Variants in MIP observed in about 807,000 individuals in gnomAD.
MIP encodes lens fiber major intrinsic protein.
A neutral mutation model predicts 21.8 loss-of-function variants in MIP; 14 were observed. The observed-to-expected ratio is 0.64, with a 90% confidence interval of 0.42 to 1.00. The LOEUF (loss-of-function observed/expected upper bound fraction) is 1.00, where lower values mean the gene tolerates loss of function less well. Among genes scored for constraint, MIP ranks in the 50% least tolerant of loss-of-function variants. The pLI, the probability that MIP is intolerant of heterozygous loss-of-function variation, is 0.00. For synonymous variants in MIP, 133 were observed against 141.4 expected (o/e 0.94, Z 0.42); for missense variants, 260 against 333.5 (o/e 0.78, Z 1.72).
At chr12:56,456,407 C>T (rs556954911), upstream of MIP, among the ~76,000 whole-genome samples, 37 of 152,224 alleles carry the variant, frequency 2.4e-4, no homozygotes, top group East Asian at 1.4e-3. Flanking sequence ...GAGGCCAACG[C>T]GGGTGGATCA....
rs759349752 is a variant in MIP at position 56,454,311 on chromosome 12, G to A, written c.303C>T (p.Ala101=). The A allele has an allele frequency of 5.5e-5, 89 of 1,613,822 alleles. No homozygotes were observed. The highest frequency in any genetic ancestry group is 7.0e-5 in the Non-Finnish European group (83 of 1,180,024). Residue 101 remains alanine, a synonymous_variant, in exon 1 of 4, where the codon GCC becomes GCT. Transcript: ENST00000652304. ...GTGGGGTAACGCTATACAGCACAGCGGCCCCAGCCACAGCTCCCAGGAGCT... is the reference window on the plus strand; with the variant it reads ...GTGGGGTAACGCTATACAGCACAGCAGCCCCAGCCACAGCTCCCAGGAGCT... ...AAQLLGAVAG[A]AVLYSVTPPA... is the part of the protein sequence containing the mutation.
chr12:56,449,512 G>A lies in MIP; in HGVS notation c.*1768C>T, dbSNP rs1868510662. 1 of 152,342 alleles carries A rather than the reference G, an allele frequency of 6.6e-6. No homozygotes were observed. Among genetic ancestry groups the A allele is most frequent in the Admixed American group, 6.5e-5 (1 of 15,288 alleles). The allele number at this position is 152,342 out of a possible 1,614,324, so 9.4% of individuals were successfully genotyped here. On this transcript the variant is annotated 3_prime_UTR_variant, in exon 4 of 4. Coordinates refer to ENST00000652304, the MANE Select transcript of MIP (RefSeq NM_012064.4). ...GGAAGGAAAAGGGAAGCGAGTGCAG[G>A]GACTGTTTTATGTGAGGTCGATCTA...
Position 56,454,495 on chromosome 12 carries a change from T to C in MIP, c.119A>G (p.His40Arg), listed in dbSNP as rs1436119727. The C allele has an allele frequency of 6.2e-6, 10 of 1,612,818 alleles. No homozygotes were observed. Among genetic ancestry groups the C allele is most frequent in the Non-Finnish European group, 1.7e-6 (2 of 1,179,206 alleles). Reference protein sequence around the residue: ...SSLRWAPGPLHVLQVAMAFGL... With the variant: ...SSLRWAPGPLRVLQVAMAFGL... The stretch of plus-strand genomic sequence containing the variant: ...AAATGCCATAGCCACCTGCAGAACA[T>C]GCAGGGGTCCAGGAGCCCAGCGCAG... The change falls in exon 1 of 4, where the codon CAT becomes CGT. Residue 40 changes from histidine to arginine, a missense_variant. His to Arg is a conservative substitution (Grantham distance 29, BLOSUM62 0). Coordinates refer to ENST00000652304, the MANE Select transcript of MIP (RefSeq NM_012064.4).
rs529416653 is a variant in MIP at position 56,451,000 on chromosome 12, C to T, written c.*280G>A. On this transcript the variant is annotated 3_prime_UTR_variant, in exon 4 of 4. Transcript: ENST00000652304. ...CTTCCTTAGCTCTCATGCCCCAAAA[C>T]TCAGACACAGCCACACTCACATTCA... The T allele has an allele frequency of 5.3e-5, 24 of 451,292 alleles. No homozygotes were observed. Among genetic ancestry groups the T allele is most frequent in the African/African-American group, 3.6e-4 (18 of 50,480 alleles). The allele number at this position is 451,292 out of a possible 1,614,324, so 28.0% of individuals were successfully genotyped here. A position where few individuals can be genotyped will look rare whatever the true frequency, so the allele number is the denominator to read the frequency against.
intron 1 of MIP, among the ~76,000 whole-genome samples, 164 bp downstream of exon 1, chr12:56,454,090 C>T (rs1868714780): frequency 6.6e-6 from 1 of 152,164 alleles, no homozygotes; most frequent in South Asian, 2.1e-4. Context: ...TTCCTTAAAG[C>T]TCTAAACCAC....
rs1868556088 is a variant in MIP, at chr12:56,450,463, C to G, written c.*817G>C. On this transcript the variant is annotated 3_prime_UTR_variant, in exon 4 of 4. Coordinates refer to ENST00000652304, the MANE Select transcript of MIP (RefSeq NM_012064.4). ...TTAAGCTGCTTAATTTTTCTAGATT[C>G]TAGGCTTGCCCAAGCTCTATTTAGG... 1 of 152,192 alleles carries G rather than the reference C, an allele frequency of 6.6e-6. No individual in the cohort carries two copies. The highest frequency in any genetic ancestry group is 2.1e-4 in the South Asian group (1 of 4,822). The allele number at this position is 152,192 out of a possible 1,614,324, so 9.4% of individuals were successfully genotyped here.
upstream of MIP, among the ~76,000 whole-genome samples, chr12:56,456,283 T>C (rs768700778): frequency 2.6e-5 from 4 of 152,038 alleles, no homozygotes; most frequent in Non-Finnish European, 4.4e-5. Context: ...TAGCACATCA[T>C]GGTGTTAAGA....
upstream of MIP, among the ~76,000 whole-genome samples, chr12:56,456,040 C>T (rs1868781656): frequency 1.3e-5 from 2 of 152,268 alleles, no homozygotes; most frequent in South Asian, 2.1e-4. Context: ...TCAGAGAGCA[C>T]CCAAAGGGTT....
At chr12:56,453,028 C>A in intron 3 of MIP, 44 bp downstream of exon 3, 3 of 1,335,632 alleles carry the variant, frequency 2.2e-6, no homozygotes, top group Non-Finnish European at 3.2e-6. Flanking sequence ...AGTCCACAAC[C>A]ATCCAGAAGG....
intron 3 of MIP, chr12:56,452,603 TCACATATAACTTTCA>T (rs1466446650): frequency 4.9e-6 from 1 of 204,572 alleles, no homozygotes; most frequent in African/African-American, 2.3e-5. Context: ...TAAATGTTTC[TCACATATAACTTTCA>T]CACATTTCTC....
Position 56,451,399 on chromosome 12 carries a change from G to A in MIP, c.673C>T (p.Pro225Ser). Residue 225 changes from proline (P) to serine (S), a missense_variant, in exon 4 of 4, where the codon CCC becomes TCC. Pro to Ser is a moderately conservative substitution (Grantham distance 74, BLOSUM62 -1). Transcript: ENST00000652304. ...CTCTCAGAAATACTCTTGAGCCGGG[G>A]GAAGAGAAGAAAGTCGTACAGGAGG... The part of the protein sequence containing the change: ...GSLLYDFLLF[P>S]RLKSISERLS... The A allele has an allele frequency of 1.2e-6, 2 of 1,614,130 alleles. No individual in the cohort carries two copies. The highest frequency in any genetic ancestry group is 1.7e-6 in the Non-Finnish European group (2 of 1,180,032).
chr12:56,454,761 A>AG, upstream of MIP: 3 of 908,474 alleles, frequency 3.3e-6, no homozygotes, highest in Non-Finnish European at 5.0e-6. Flanking sequence ...ACAGCTGTGG[A>AG]GGGCTAAGTC....
chr12:56,451,591 T>G (rs1868621940), intron 3 of MIP, 126 bp from the exon 4 acceptor site: 1 of 744,180 alleles, frequency 1.3e-6, no homozygotes, highest in Admixed American at 2.5e-5. Context: ...AACTCACCAT[T>G]TATTTTCTGA....
In MIP at chr12:56,454,426, C is replaced by T; in HGVS notation, c.188G>A (p.Ser63Asn). ...ATLVQSVGHI[S>N]GAHVNPAVTF... ...GACTGCAGGATTGACGTGGGCTCCA[C>T]TGATGTGGCCCACAGACTGCACCAG... The change falls in exon 1 of 4, where the codon AGT becomes AAT. Residue 63 changes from serine (S) to asparagine (N), a missense_variant. By Grantham distance (46) the Ser-to-Asn change is conservative. Transcript: ENST00000652304. The T allele has an allele frequency of 6.2e-7, 1 of 1,614,190 alleles. No homozygotes were observed. Among genetic ancestry groups the T allele is most frequent in the Non-Finnish European group, 8.5e-7 (1 of 1,180,008 alleles).
In MIP at chr12:56,451,305, A is replaced by G; in HGVS notation, c.767T>C (p.Val256Ala). The change falls in exon 4 of 4, where the codon GTT (valine) becomes GCT (alanine). Residue 256 changes from valine to alanine, a missense_variant. Coordinates refer to ENST00000652304, the MANE Select transcript of MIP (RefSeq NM_012064.4). ...NGQPEVTGEP[V>A]ELNTQAL The stretch of plus-strand genomic sequence containing the variant: ...CTACAGGGCCTGGGTGTTCAGTTCA[A>G]CAGGTTCCCCTGTGACCTCTGGTTG... 2 of 1,613,812 alleles carry G rather than the reference A, an allele frequency of 1.2e-6. No individual in the cohort carries two copies. The highest frequency in any genetic ancestry group is 1.7e-6 in the Non-Finnish European group (2 of 1,180,018).
intron 1 of MIP, among the ~76,000 whole-genome samples, 158 bp from the exon 2 acceptor site, chr12:56,453,913 TCCTAACAGTGCTCCTTCA>T (rs1196860722): frequency 6.6e-6 from 1 of 152,178 alleles, no homozygotes; most frequent in Non-Finnish European, 1.5e-5. Context: ...TCTTACCATC[TCCTAACAGTGCTCCTTCA>T]TGATGGAAAT....
rs1868523997 is a variant in MIP at position 56,449,834 on chromosome 12, G to C, written c.*1446C>G. The C allele has an allele frequency of 6.6e-6, 1 of 152,158 alleles. No individual in the cohort carries two copies. The allele number at this position is 152,158 out of a possible 1,614,324, so 9.4% of individuals were successfully genotyped here. The stretch of plus-strand genomic sequence containing the variant: ...AACCGTAAATATTCATTGAACAGTT[G>C]AGGGTCTCTTCTGGCCTCTGCTGAG... On this transcript the variant is annotated 3_prime_UTR_variant, in exon 4 of 4. Coordinates refer to ENST00000652304, the MANE Select transcript of MIP (RefSeq NM_012064.4).
chr12:56,454,407 A>C lies in MIP; in HGVS notation c.207T>G (p.Pro69=). 6.2e-7 allele frequency: 1 copy of C among 1,614,174 alleles called. No homozygotes were observed. Among genetic ancestry groups the C allele is most frequent in the Non-Finnish European group, 8.5e-7 (1 of 1,180,028 alleles). Residue 69 remains proline, a synonymous_variant, in exon 1 of 4, where the codon CCT becomes CCG. Transcript: ENST00000652304. ...VGHISGAHVN[P]AVTFAFLVGS... ...CCACAAGGAAAGCAAAAGTGACTGC[A>C]GGATTGACGTGGGCTCCACTGATGT...
rs1233951574 is a variant in MIP, at chr12:56,450,590, G to A, written c.*690C>T. 1 of 152,836 alleles carries A rather than the reference G, an allele frequency of 6.5e-6. No homozygotes were observed. Among genetic ancestry groups the A allele is most frequent in the African/African-American group, 2.4e-5 (1 of 41,452 alleles). 9.5% of individuals were successfully genotyped at this position (152,836 alleles called of 1,614,324 possible). A position where few individuals can be genotyped will look rare whatever the true frequency, so the allele number is the denominator to read the frequency against. On this transcript the variant is annotated 3_prime_UTR_variant, in exon 4 of 4. Coordinates refer to ENST00000652304, the MANE Select transcript of MIP (RefSeq NM_012064.4). ...CAGGTTTACGTGGCTTTACAGAACA[G>A]CTAAATCCTAGTGTTCACTTTTCTC...
Sources: allele counts gnomAD v4.1 joint callset (sites outside exome capture counted in the v4.1 genomes callset), GRCh38; gene constraint gnomAD v4.1.1; transcripts MANE v1.5; gene names NCBI Gene and HGNC (gene_info 2026-07-23, HGNC 2026-07-21).